Variants in CHD1L observed in about 807,000 individuals in gnomAD.
CHD1L encodes the protein chromodomain helicase DNA binding protein 1 like.
Under a neutral mutation model 115.9 loss-of-function variants are expected in CHD1L, and 118 were observed. The ratio of observed to expected loss-of-function variants is 1.02; its 90% CI spans 0.88 to 1.19. The LOEUF is 1.19. CHD1L is among the 50% of genes most tolerant of loss of function. The pLI, the probability that CHD1L is intolerant of heterozygous loss-of-function variation, is 0.00. For missense variants in CHD1L, 1,179 were observed against 1,065.3 expected (o/e 1.11, Z -1.49); for synonymous variants, 411 against 387.1 (o/e 1.06, Z -0.72).
chr1:147,294,282 A>G, intron 21 of CHD1L, 127 bp from the exon 22 acceptor site: 1 of 533,884 alleles, frequency 1.9e-6, no homozygotes, highest in East Asian at 3.2e-5. Context: ...CTTCCCCCGG[A>G]ATATTTTTGA....
chr1:147,180,513 G>C, the CHD1L span, among the ~76,000 whole-genome samples: 918 of 152,292 alleles, frequency 6.0e-3, 11 homozygotes, highest in African/African-American at 0.021. Flanking sequence ...GGATGGTTTC[G>C]ATCTCTTGAC....
At chr1:147,233,865 A>G in the CHD1L span, among the ~76,000 whole-genome samples, 3 of 151,968 alleles carry the variant, frequency 2.0e-5, no homozygotes, top group East Asian at 5.9e-4. Flanking sequence ...GCGGTGCAAG[A>G]TGTGCTTTGT....
the CHD1L span, chr1:147,215,779 T>G: frequency 6.2e-7 from 1 of 1,608,876 alleles, no homozygotes; most frequent in Non-Finnish European, 8.5e-7. Flanking sequence ...CTTTAGAAGG[T>G]CAAATTCTTT....
Position 147,260,243 on chromosome 1 carries a change from A to G in CHD1L, c.576+325A>G, listed in dbSNP as rs991485297. ...TAGGTTTGGACAAATGTACAATACC[A>G]TGATATCTACTGTTATAGTATCATA... On this transcript the variant is annotated intron_variant, in intron 6 of 22. Transcript: ENST00000369258. The G allele has an allele frequency of 1.9e-5, 4 of 208,388 alleles. No individual in the cohort carries two copies. In the East Asian group the frequency reaches 4.2e-4, roughly 22 times the overall value. The allele number at this position is 208,388 out of a possible 1,614,324, so 12.9% of individuals were successfully genotyped here. A position where few individuals can be genotyped will look rare whatever the true frequency, so the allele number is the denominator to read the frequency against.
At chr1:147,226,226 C>G in the CHD1L span, among the ~76,000 whole-genome samples, 1 of 151,848 alleles carries the variant, frequency 6.6e-6, no homozygotes, top group African/African-American at 2.4e-5. Flanking sequence ...ATCCTGCCCC[C>G]ACTTCCGCCC....
the CHD1L span, among the ~76,000 whole-genome samples, chr1:147,233,516 T>G: frequency 6.8e-6 from 1 of 146,630 alleles, no homozygotes; most frequent in Non-Finnish European, 1.5e-5. Flanking sequence ...ATCCGGGAGG[T>G]GAGGGGCGCC....
the CHD1L span, among the ~76,000 whole-genome samples, chr1:147,207,740 G>T: frequency 6.6e-6 from 1 of 152,156 alleles, no homozygotes; most frequent in Non-Finnish European, 1.5e-5. Context: ...ATACCTCTGA[G>T]ATTTCCAGTT....
intron 15 of CHD1L, among the ~76,000 whole-genome samples, chr1:147,281,796 A>T (rs1029130088): frequency 7.3e-5 from 11 of 151,612 alleles, no homozygotes; most frequent in East Asian, 3.9e-4. Context: ...TCTTTAAAAA[A>T]ATATATATAT....
chr1:147,281,629 C>T (rs1253883772), intron 15 of CHD1L, among the ~76,000 whole-genome samples: 6 of 152,066 alleles, frequency 3.9e-5, no homozygotes, highest in African/African-American at 1.4e-4. Context: ...TTCTTGTTCT[C>T]TGCTTATTGT....
intron 22 of CHD1L, 63 bp downstream of exon 22, chr1:147,294,580 C>G (rs111646449): frequency 4.5e-6 from 6 of 1,331,960 alleles, no homozygotes; most frequent in Non-Finnish European, 5.3e-6. Context: ...TGTTCATTTT[C>G]TGGTGTCAGT....
Position 147,286,508 on chromosome 1 carries a change from A to T in CHD1L, c.2221+8A>T. The T allele has an allele frequency of 6.2e-7, 1 of 1,612,652 alleles. No individual in the cohort carries two copies. Among genetic ancestry groups the T allele is most frequent in the Non-Finnish European group, 8.5e-7 (1 of 1,179,670 alleles). On this transcript the variant is annotated splice_region_variant and intron_variant, in intron 18 of 22. Coordinates refer to ENST00000369258, the MANE Select transcript of CHD1L (RefSeq NM_004284.6). ...TCATTGTGCACTGCGTAGGTACGAG[A>T]AGTGGTATGGGCTGGGGATGGGGGC... is the stretch of plus-strand genomic sequence containing the variant.
the CHD1L span, chr1:147,225,127 C>T: frequency 6.3e-7 from 1 of 1,586,556 alleles, no homozygotes; most frequent in East Asian, 2.2e-5. Context: ...CAAGGAAGAC[C>T]TTGGCCGTGG....
At chr1:147,187,822 G>C in the CHD1L span, among the ~76,000 whole-genome samples, 1 of 152,178 alleles carries the variant, frequency 6.6e-6, no homozygotes, top group Non-Finnish European at 1.5e-5. Context: ...GATTTAAAAG[G>C]GCTTTTTAAA....
intron 19 of CHD1L, among the ~76,000 whole-genome samples, chr1:147,288,339 A>AAAAAG (rs1684164357): frequency 3.7e-5 from 1 of 26,890 alleles, no homozygotes; most frequent in Non-Finnish European, 9.1e-5. Context: ...AAAAAAAAAA[A>AAAAAG]AAAAAAAGAA....
At chr1:147,250,064 T>C (rs1553935665) in intron 1 of CHD1L, among the ~76,000 whole-genome samples, 1 of 152,186 alleles carries the variant, frequency 6.6e-6, no homozygotes, top group Non-Finnish European at 1.5e-5. Context: ...AATTTCCCTT[T>C]GGTCTTTATA....
intron 10 of CHD1L, among the ~76,000 whole-genome samples, 182 bp downstream of exon 10, chr1:147,269,060 A>G (rs587650871): frequency 1.3e-5 from 2 of 151,988 alleles, no homozygotes; most frequent in East Asian, 1.9e-4. Flanking sequence ...CCCTTCCACA[A>G]TCATTCTTTC....
chr1:147,243,023 G>A (rs1342192102), intron 1 of CHD1L, 193 bp downstream of exon 1: 11 of 617,570 alleles, frequency 1.8e-5, no homozygotes, highest in African/African-American at 3.8e-5. Flanking sequence ...CCTGCGCGGC[G>A]CGCGGGGCCG....
At chr1:147,245,203 C>A (rs587599712) in intron 1 of CHD1L, among the ~76,000 whole-genome samples, 139 of 152,294 alleles carry the variant, frequency 9.1e-4, no homozygotes, top group Non-Finnish European at 1.7e-3. Context: ...CTTTCCCAGA[C>A]CCCACTGTAG....
chr1:147,183,609 A>G, the CHD1L span, among the ~76,000 whole-genome samples: 1 of 152,182 alleles, frequency 6.6e-6, no homozygotes, highest in Non-Finnish European at 1.5e-5. Flanking sequence ...AGCACAGAGG[A>G]AGGTGACCTA....
Sources: allele counts gnomAD v4.1 joint callset (sites outside exome capture counted in the v4.1 genomes callset), GRCh38; gene constraint gnomAD v4.1.1; transcripts MANE v1.5; gene names NCBI Gene and HGNC (gene_info 2026-07-23, HGNC 2026-07-21).